KDM3A: variants seen among roughly 807,000 people sequenced by gnomAD.
The protein encoded by KDM3A is lysine-specific demethylase 3A.
A neutral mutation model predicts 158.0 loss-of-function variants in KDM3A; 60 were observed. That is an observed-to-expected ratio of 0.38 (90% CI 0.31 to 0.47). The LOEUF (loss-of-function observed/expected upper bound fraction) is 0.47. Ranked by LOEUF, KDM3A falls within the 20% of genes least tolerant of loss-of-function variation. KDM3A has a pLI of 0.99. For synonymous variants in KDM3A, 608 were observed against 549.3 expected (o/e 1.11, Z -1.49); for missense variants, 1,319 against 1,574.3 (o/e 0.84, Z 2.74).
At chr2:86,438,683 T>C (rs918740200), upstream of KDM3A, among the ~76,000 whole-genome samples, 2 of 152,070 alleles carry the variant, frequency 1.3e-5, no homozygotes, top group Non-Finnish European at 2.9e-5. Context: ...AAAATTAGAA[T>C]TACAAATAAT....
At chr2:86,457,095 T>C (rs559916887) in intron 8 of KDM3A, 24 bp downstream of exon 8, 3 of 1,196,988 alleles carry the variant, frequency 2.5e-6, no homozygotes, top group Non-Finnish European at 3.4e-6. Flanking sequence ...ATGTCACTTG[T>C]GTAAAGCTTT....
chr2:86,441,952 T>G, intron 1 of KDM3A, 66 bp from the exon 2 acceptor site: 16 of 771,702 alleles, frequency 2.1e-5, no homozygotes, highest in Non-Finnish European at 2.8e-5. Flanking sequence ...CCGCCCTCCC[T>G]GCTGTCTCCG....
intron 2 of KDM3A, among the ~76,000 whole-genome samples, chr2:86,444,650 G>A (rs1682881701): frequency 6.6e-6 from 1 of 150,810 alleles, no homozygotes; most frequent in Non-Finnish European, 1.5e-5. Flanking sequence ...TAAGTTTTTG[G>A]GGGGTGAGAT....
chr2:86,460,766 C>T (rs1672891509), intron 8 of KDM3A: 1 of 152,072 alleles, frequency 6.6e-6, no homozygotes, highest in South Asian at 2.1e-4. Flanking sequence ...ATATTATCTC[C>T]GTCTGCTGGC....
chr2:86,449,126 TG>T (rs1683062369), intron 2 of KDM3A, among the ~76,000 whole-genome samples: 1 of 152,210 alleles, frequency 6.6e-6, no homozygotes, highest in Admixed American at 6.5e-5. Flanking sequence ...TACAATTACT[TG>T]GAAAACAATA....
intron 8 of KDM3A, 26 bp from the exon 9 acceptor site, chr2:86,464,027 A>G: frequency 6.8e-7 from 1 of 1,476,030 alleles, no homozygotes; most frequent in Non-Finnish European, 9.1e-7. Context: ...CTTCCTTTTA[A>G]TATCTGTTGG....
intron 15 of KDM3A, chr2:86,479,699 C>T (rs1481063538): frequency 6.5e-6 from 1 of 153,022 alleles, no homozygotes; most frequent in South Asian, 2.0e-4. Context: ...AAGAGCTCAT[C>T]ACATTTTTAA....
rs776703099 is a variant in KDM3A at position 86,478,274 on chromosome 2, T to A, written c.2188+9T>A. 5.1e-6 allele frequency: 8 copies of A among 1,582,424 alleles called. No homozygotes were observed. The highest frequency in any genetic ancestry group is 3.3e-4 in the Middle Eastern group (2 of 5,982). On this transcript the variant is annotated intron_variant, in intron 14 of 25. Coordinates refer to ENST00000312912, the MANE Select transcript of KDM3A (RefSeq NM_018433.6). Reference sequence around the variant, plus strand: ...GATCATTCCTGGAAAAGGTATTTCATGTGCTGCAGTGATTTTCTTTCCCCT... The same window carrying A: ...GATCATTCCTGGAAAAGGTATTTCAAGTGCTGCAGTGATTTTCTTTCCCCT...
chr2:86,491,870 A>C (rs1291163023), intron 25 of KDM3A, 169 bp from the exon 26 acceptor site: 4 of 592,858 alleles, frequency 6.7e-6, no homozygotes, highest in African/African-American at 3.7e-5. Context: ...TGTATGTGAA[A>C]TACTGGTCTG....
intron 10 of KDM3A, among the ~76,000 whole-genome samples, chr2:86,467,140 TG>T (rs1474732120): frequency 6.6e-6 from 1 of 152,164 alleles, no homozygotes; most frequent in East Asian, 1.9e-4. Flanking sequence ...TTTTACCCTG[TG>T]AATTAGTGTA....
Position 86,481,955 on chromosome 2 carries a change from A to G in KDM3A, c.2538A>G (p.Leu846=). Reference sequence around the variant, plus strand: ...AAAAACAACCAACAATGCCAATTTTAAAGAATGAAATCAAATGCCTTCCAC... The same window carrying G: ...AAAAACAACCAACAATGCCAATTTTGAAGAATGAAATCAAATGCCTTCCAC... ...NKEKQPTMPI[L]KNEIKCLPPL... is the part of the protein sequence containing the mutation. The change falls in exon 17 of 26, where the codon TTA becomes TTG. Residue 846 remains leucine, a synonymous_variant. Coordinates refer to ENST00000312912, the MANE Select transcript of KDM3A (RefSeq NM_018433.6). 1 of 1,611,108 alleles carries G rather than the reference A, an allele frequency of 6.2e-7. No homozygotes were observed. Among genetic ancestry groups the G allele is most frequent in the East Asian group, 2.2e-5 (1 of 44,834 alleles).
At chr2:86,473,784 TA>T (rs1673523756) in intron 11 of KDM3A, among the ~76,000 whole-genome samples, 2 of 152,256 alleles carry the variant, frequency 1.3e-5, no homozygotes, top group South Asian at 4.1e-4. Flanking sequence ...TTCAAAAATT[TA>T]AAACTAATAC....
chr2:86,479,938 CG>C (rs964052008), intron 15 of KDM3A: 16 of 541,892 alleles, frequency 3.0e-5, no homozygotes, highest in Non-Finnish European at 4.6e-5. Context: ...TGAAAGGGTG[CG>C]GGGGGTAATA....
rs374401128 is a variant in KDM3A, at chr2:86,484,839, CAT to C, written c.3095-100_3095-99del. 1.9e-4 allele frequency: 119 copies of C among 624,354 alleles called. No homozygotes were observed. In the Middle Eastern group the frequency reaches 4.1e-3, roughly 22 times the overall value. 38.7% of individuals were successfully genotyped at this position (624,354 alleles called of 1,614,324 possible). A position where few individuals can be genotyped will look rare whatever the true frequency, so the allele number is the denominator to read the frequency against. On this transcript the variant is annotated intron_variant, in intron 19 of 25. Transcript: ENST00000312912. ...TCAGGTTATGAAAATTTTGCAGAGACATATTTTATTTGTATTGTTGAGGCATA... is the reference window on the plus strand; with the variant it reads ...TCAGGTTATGAAAATTTTGCAGAGACATTTTATTTGTATTGTTGAGGCATA...
chr2:86,491,549 T>C (rs977997704), intron 25 of KDM3A: 2 of 437,080 alleles, frequency 4.6e-6, no homozygotes, highest in Non-Finnish European at 4.2e-6. Context: ...AGATGTGACT[T>C]CTGATCTTGG....
chr2:86,485,702 T>C (rs377321435), intron 20 of KDM3A, 27 bp from the exon 21 acceptor site: 1 of 1,607,050 alleles, frequency 6.2e-7, no homozygotes, highest in Non-Finnish European at 8.5e-7. Context: ...AATCTAACTT[T>C]GCAAATTCCT....
chr2:86,441,888 C>T (rs1682730579), intron 1 of KDM3A, 130 bp from the exon 2 acceptor site: 1 of 484,314 alleles, frequency 2.1e-6, no homozygotes, highest in Non-Finnish European at 3.3e-6. Context: ...AGGAGGGGGG[C>T]TCGGTGCGGG....
At chr2:86,446,131 T>G (rs1682949433) in intron 2 of KDM3A, among the ~76,000 whole-genome samples, 1 of 152,216 alleles carries the variant, frequency 6.6e-6, no homozygotes, top group South Asian at 2.1e-4. Flanking sequence ...GGGGAAACAT[T>G]GGCTTGAAAA....
Position 86,466,698 on chromosome 2 carries a change from C to T in KDM3A, c.1334C>T (p.Ser445Phe). The change falls in exon 10 of 26, where the codon TCC (serine) becomes TTC (phenylalanine). Residue 445 changes from serine to phenylalanine, a missense_variant. By Grantham distance (155) the Ser-to-Phe change is radical (BLOSUM62 -2). Transcript: ENST00000312912. ...CAGAAGCACCTAGAACATGCACCTTCCCCATCGGATGTTTCAAATGCACCA... is the reference window on the plus strand; with the variant it reads ...CAGAAGCACCTAGAACATGCACCTTTCCCATCGGATGTTTCAAATGCACCA... ...ELQKHLEHAP[S>F]PSDVSNAPEV... 6.2e-7 allele frequency: 1 copy of T among 1,613,906 alleles called. No individual in the cohort carries two copies. Among genetic ancestry groups the T allele is most frequent in the Non-Finnish European group, 8.5e-7 (1 of 1,179,846 alleles).
Sources: allele counts gnomAD v4.1 joint callset (sites outside exome capture counted in the v4.1 genomes callset), GRCh38; gene constraint gnomAD v4.1.1; transcripts MANE v1.5; gene names NCBI Gene and HGNC (gene_info 2026-07-23, HGNC 2026-07-21).